Variants in RNF115 observed in about 807,000 individuals in gnomAD.
RNF115 encodes the protein E3 ubiquitin-protein ligase RNF115.
RNF115 carries 31 observed loss-of-function variants against 39.2 expected under a neutral mutation model. The ratio of observed to expected loss-of-function variants is 0.79; its 90% CI spans 0.59 to 1.07. RNF115 has a LOEUF of 1.07. Among genes scored for constraint, RNF115 ranks in the 50% least tolerant of loss-of-function variants. The pLI is 0.00. For missense variants in RNF115, 384 were observed against 381.7 expected (o/e 1.01, Z -0.05); for synonymous variants, 124 against 131.0 (o/e 0.95, Z 0.37).
In RNF115 at chr1:145,740,640, G is replaced by A. The variant is rs1334032051; in HGVS notation, c.*6226C>T. Reference sequence around the variant, plus strand: ...AACCTGTGAGGCCATGAGGTTATCAGAAGGAATCTATATACCATAATCTTC... The same window carrying A: ...AACCTGTGAGGCCATGAGGTTATCAAAAGGAATCTATATACCATAATCTTC... On this transcript the variant is annotated 3_prime_UTR_variant, in exon 9 of 9. Transcript: ENST00000582693. 6.6e-6 allele frequency: 1 copy of A among 152,162 alleles called. No homozygotes were observed. Among genetic ancestry groups the A allele is most frequent in the Non-Finnish European group, 1.5e-5 (1 of 68,030 alleles). 9.4% of individuals were successfully genotyped at this position (152,162 alleles called of 1,614,324 possible). A position where few individuals can be genotyped will look rare whatever the true frequency, so the allele number is the denominator to read the frequency against.
intron 2 of RNF115, among the ~76,000 whole-genome samples, chr1:145,785,848 A>G (rs587659603): frequency 6.6e-6 from 1 of 152,294 alleles, no homozygotes; most frequent in South Asian, 2.1e-4. Flanking sequence ...TTTCAGAAAA[A>G]CGCTTTTGTA....
In RNF115 at chr1:145,751,498, C is replaced by T; in HGVS notation, c.513G>A (p.Leu171=). 6.3e-7 allele frequency: 1 copy of T among 1,597,452 alleles called. No individual in the cohort carries two copies. The highest frequency in any genetic ancestry group is 8.5e-7 in the Non-Finnish European group (1 of 1,171,230). ...AGGCATAGTCCCCAGGGTTGGAGTG[C>T]AGCATCCCGCTCCTATACGTGAGAT... ...SPHPFSWSGM[L]HSNPGDYAWG... is the part of the protein sequence containing the mutation. The change falls in exon 6 of 9, where the codon CTG becomes CTA. Residue 171 remains leucine (L), a synonymous_variant. Coordinates refer to ENST00000582693, the MANE Select transcript of RNF115 (RefSeq NM_014455.4).
At chr1:145,807,139 T>G (rs1649497348) in intron 1 of RNF115, among the ~76,000 whole-genome samples, 1 of 152,202 alleles carries the variant, frequency 6.6e-6, no homozygotes, top group African/African-American at 2.4e-5. Context: ...ATCTAGTGCC[T>G]GTTATTTTAA....
chr1:145,794,502 CTTTTTTTTTTTTT>C (rs57242475), intron 1 of RNF115, among the ~76,000 whole-genome samples: 22 of 81,098 alleles, frequency 2.7e-4, no homozygotes, highest in African/African-American at 7.7e-4. Context: ...TAATCTCTTT[CTTTTTTTTTTTTT>C]TTTTTTTTTT....
At chr1:145,780,938 A>G (rs957078782) in intron 3 of RNF115, among the ~76,000 whole-genome samples, 1 of 152,158 alleles carries the variant, frequency 6.6e-6, no homozygotes, top group East Asian at 1.9e-4. Flanking sequence ...CAAGTAATCA[A>G]TGAAACCTTC....
At chr1:145,786,477 T>C (rs1553718110) in intron 2 of RNF115, among the ~76,000 whole-genome samples, 1 of 152,198 alleles carries the variant, frequency 6.6e-6, no homozygotes, top group Non-Finnish European at 1.5e-5. Context: ...GTCTTTGTAT[T>C]TGAGTAAATT....
rs1553715816 is a variant in RNF115 at position 145,771,833 on chromosome 1, G to A, written c.306C>T (p.Ala102=). ...TGTGAGTCTGGTGACCCCTTTCATT[G>A]GCTCTATTATCTTGGTCCAGTGGAC... ...SSSPLDQDNR[A]NERGHQTHTD... The change falls in exon 4 of 9, where the codon GCC becomes GCT. Residue 102 remains alanine, a synonymous_variant. Coordinates refer to ENST00000582693, the MANE Select transcript of RNF115 (RefSeq NM_014455.4). The A allele has an allele frequency of 3.7e-6, 6 of 1,614,016 alleles. No homozygotes were observed. In the South Asian group the frequency reaches 6.6e-5, roughly 18 times the overall value.
intron 1 of RNF115, among the ~76,000 whole-genome samples, chr1:145,790,812 G>A (rs587690708): frequency 1.8e-4 from 28 of 152,048 alleles, no homozygotes; most frequent in Non-Finnish European, 2.4e-4. Context: ...ACATATCAAC[G>A]CAGTAAAACA....
chr1:145,781,047 T>G (rs1041343027), intron 3 of RNF115, among the ~76,000 whole-genome samples: 8 of 152,114 alleles, frequency 5.3e-5, no homozygotes, highest in African/African-American at 1.9e-4. Context: ...AGATTCACTC[T>G]CCACCGGCCC....
intron 4 of RNF115, among the ~76,000 whole-genome samples, chr1:145,767,993 G>GGGGAAAGGGAGA (rs1559112036): frequency 9.3e-5 from 14 of 150,726 alleles, no homozygotes; most frequent in Non-Finnish European, 1.9e-4. Flanking sequence ...GGGAGACCGT[G>GGGGAAAGGGAGA]GGGAGAGGGA....
intron 6 of RNF115, 59 bp downstream of exon 6, chr1:145,751,379 G>A: frequency 8.5e-7 from 1 of 1,180,728 alleles, no homozygotes; most frequent in Non-Finnish European, 1.2e-6. Context: ...AAGGAAAGCA[G>A]GAAGCCTGTG....
chr1:145,771,965 T>TC (rs1256603772), intron 3 of RNF115, 46 bp from the exon 4 acceptor site: 2 of 1,473,158 alleles, frequency 1.4e-6, no homozygotes, highest in African/African-American at 2.8e-5. Context: ...AATCAATCAA[T>TC]AAACACCTGG....
At chr1:145,816,589 C>T (rs1650002895) in intron 1 of RNF115, among the ~76,000 whole-genome samples, 1 of 100,644 alleles carries the variant, frequency 9.9e-6, no homozygotes, top group Non-Finnish European at 2.2e-5. Flanking sequence ...CCGTTGAACA[C>T]AATTATGGCT....
At chr1:145,781,973 G>A (rs1280324384) in intron 3 of RNF115, among the ~76,000 whole-genome samples, 13 of 144,642 alleles carry the variant, frequency 9.0e-5, no homozygotes, top group East Asian at 6.1e-4. Flanking sequence ...TGCAATCTCC[G>A]CTCACTGCAA....
At chr1:145,817,829 A>AG (rs1453005358) in intron 1 of RNF115, among the ~76,000 whole-genome samples, 1 of 122,806 alleles carries the variant, frequency 8.1e-6, no homozygotes, top group Non-Finnish European at 1.7e-5. Context: ...CCCACTTTTA[A>AG]GTGAGAACAC....
intron 4 of RNF115, among the ~76,000 whole-genome samples, chr1:145,768,589 C>G (rs1428493517): frequency 6.6e-6 from 1 of 152,150 alleles, no homozygotes; most frequent in Non-Finnish European, 1.5e-5. Flanking sequence ...GTGCTGATTA[C>G]AGGTGTGAGC....
chr1:145,771,682 T>G (rs782095201), intron 4 of RNF115, 29 bp downstream of exon 4: 1 of 1,588,618 alleles, frequency 6.3e-7, no homozygotes, highest in African/African-American at 1.3e-5. Flanking sequence ...GAAACTACCT[T>G]AAAAAGAACT....
intron 2 of RNF115, 51 bp from the exon 3 acceptor site, chr1:145,784,647 C>T (rs1571750306): frequency 6.0e-6 from 9 of 1,509,614 alleles, no homozygotes; most frequent in African/African-American, 5.5e-5. Context: ...ACAAGCTCCC[C>T]TCCCAGAAGC....
chr1:145,805,707 A>G (rs1649431039), intron 1 of RNF115, among the ~76,000 whole-genome samples: 1 of 152,164 alleles, frequency 6.6e-6, no homozygotes, highest in African/African-American at 2.4e-5. Flanking sequence ...ACTACAGAAG[A>G]AAATTCCCTT....
Sources: allele counts gnomAD v4.1 joint callset (sites outside exome capture counted in the v4.1 genomes callset), GRCh38; gene constraint gnomAD v4.1.1; transcripts MANE v1.5; gene names NCBI Gene and HGNC (gene_info 2026-07-23, HGNC 2026-07-21).